BCKDHB: variants seen among roughly 807,000 people sequenced by gnomAD.
BCKDHB encodes the protein branched chain keto acid dehydrogenase E1 subunit beta, also known as 2-oxoisovalerate dehydrogenase subunit beta, mitochondrial.
A neutral mutation model predicts 48.5 loss-of-function variants in BCKDHB; 41 were observed. The observed-to-expected ratio is 0.85, with a 90% CI of 0.66 to 1.10. BCKDHB has a LOEUF of 1.10. BCKDHB is among the 50% of genes least tolerant of loss of function. BCKDHB has a pLI of 0.00. For synonymous variants in BCKDHB, 201 were observed against 174.8 expected, an observed-to-expected ratio of 1.15 and a Z score of -1.18; for missense variants, 496 against 494.2, an observed-to-expected ratio of 1.00 and a Z score of -0.03.
At chr6:80,423,373 G>C in the BCKDHB span, among the ~76,000 whole-genome samples, 66 of 152,270 alleles carry the variant, frequency 4.3e-4, no homozygotes, top group African/African-American at 1.4e-3. Flanking sequence ...GACTAATACA[G>C]GCTCTAACAA....
At chr6:80,257,748 G>A (rs987792620) in intron 8 of BCKDHB, among the ~76,000 whole-genome samples, 4 of 152,082 alleles carry the variant, frequency 2.6e-5, no homozygotes, top group Non-Finnish European at 4.4e-5. Flanking sequence ...TAGGGAGGCG[G>A]TTCTGGTGTA....
intron 6 of BCKDHB, among the ~76,000 whole-genome samples, chr6:80,173,348 T>C (rs961141339): frequency 5.9e-5 from 9 of 152,082 alleles, no homozygotes; most frequent in African/African-American, 1.7e-4. Flanking sequence ...AGGGGCTCAA[T>C]AGAGGTCACA....
chr6:80,179,226 A>G (rs1201163028), intron 6 of BCKDHB, among the ~76,000 whole-genome samples: 1 of 151,128 alleles, frequency 6.6e-6, no homozygotes, highest in Non-Finnish European at 1.5e-5. Flanking sequence ...TTTTTGAGAA[A>G]CTCAATTTTT....
At chr6:80,374,315 T>A in the BCKDHB span, 5 of 953,752 alleles carry the variant, frequency 5.2e-6, no homozygotes, top group South Asian at 6.4e-5. Context: ...CAGCACTCTT[T>A]TTGGGCCACC....
chr6:80,160,682 C>T (rs1772267857), intron 3 of BCKDHB, among the ~76,000 whole-genome samples: 1 of 152,166 alleles, frequency 6.6e-6, no homozygotes. Context: ...ACTTCTTAAT[C>T]ATGCTCCCTT....
chr6:80,170,036 CTTCCTTT>C (rs1772824353), intron 5 of BCKDHB: 1 of 711,694 alleles, frequency 1.4e-6, no homozygotes, highest in South Asian at 6.3e-5. Flanking sequence ...CTTTCTTCCT[CTTCCTTT>C]TTCCTTTTTT....
At chr6:80,392,246 G>A in the BCKDHB span, among the ~76,000 whole-genome samples, 1 of 152,042 alleles carries the variant, frequency 6.6e-6, no homozygotes, top group Non-Finnish European at 1.5e-5. Context: ...CACCCACCTC[G>A]GCCTCCCAAA....
At chr6:80,279,411 C>A (rs1420342749) in intron 9 of BCKDHB, among the ~76,000 whole-genome samples, 1 of 152,142 alleles carries the variant, frequency 6.6e-6, no homozygotes, top group African/African-American at 2.4e-5. Context: ...CTGCCTCTTC[C>A]TTCCAAAGTG....
At chr6:80,393,667 T>G in the BCKDHB span, among the ~76,000 whole-genome samples, 2 of 152,206 alleles carry the variant, frequency 1.3e-5, no homozygotes, top group Admixed American at 6.5e-5. Context: ...TCAGCAAGCC[T>G]TCAACCACAT....
intron 8 of BCKDHB, among the ~76,000 whole-genome samples, chr6:80,213,792 G>A (rs567859200): frequency 6.6e-6 from 1 of 151,602 alleles, no homozygotes; most frequent in South Asian, 2.1e-4. Flanking sequence ...TTTAAACATA[G>A]GTTATGTAGT....
chr6:80,230,512 A>AT (rs1014697241), intron 8 of BCKDHB, among the ~76,000 whole-genome samples: 2 of 151,958 alleles, frequency 1.3e-5, no homozygotes, highest in Admixed American at 6.6e-5. Flanking sequence ...GGGGTTAGCA[A>AT]TTTTTTTTCT....
the BCKDHB span, chr6:80,374,489 CTT>C: frequency 9.4e-6 from 7 of 748,570 alleles, no homozygotes. Flanking sequence ...CACGAGTGTT[CTT>C]AAGGTGAATA....
chr6:80,262,854 T>C (rs1299233448), intron 8 of BCKDHB, among the ~76,000 whole-genome samples: 1 of 152,116 alleles, frequency 6.6e-6, no homozygotes, highest in East Asian at 1.9e-4. Flanking sequence ...ACCTAAGCTA[T>C]TGTAAGTATA....
At chr6:80,244,318 G>A (rs1465948127) in intron 8 of BCKDHB, among the ~76,000 whole-genome samples, 2 of 152,170 alleles carry the variant, frequency 1.3e-5, no homozygotes, top group South Asian at 4.1e-4. Context: ...AGAAGTGTAT[G>A]TTGTTGTAGA....
At chr6:80,181,892 A>G (rs1424978990) in intron 6 of BCKDHB, among the ~76,000 whole-genome samples, 1 of 152,148 alleles carries the variant, frequency 6.6e-6, no homozygotes, top group Admixed American at 6.5e-5. Flanking sequence ...AATCTTTTAT[A>G]TATGTTTGTA....
At chr6:80,304,321 A>G (rs775247512) in intron 9 of BCKDHB, among the ~76,000 whole-genome samples, 3 of 152,066 alleles carry the variant, frequency 2.0e-5, no homozygotes, top group Non-Finnish European at 4.4e-5. Context: ...TTGGATTTTG[A>G]ATTTCTGAAT....
At chr6:80,194,152 T>C (rs1165654892) in intron 6 of BCKDHB, among the ~76,000 whole-genome samples, 1 of 152,206 alleles carries the variant, frequency 6.6e-6, no homozygotes, top group East Asian at 1.9e-4. Flanking sequence ...CTTTCTGTTA[T>C]ATCACAACTT....
chr6:80,322,896 C>CTTTTTTTTTTTTTTTT (rs34177726), intron 9 of BCKDHB, among the ~76,000 whole-genome samples: 19 of 115,538 alleles, frequency 1.6e-4, no homozygotes, highest in South Asian at 2.8e-4. Flanking sequence ...TTTCTTTTTT[C>CTTTTTTTTTTTTTTTT]TTTTTTTTTT....
chr6:80,272,735 C>A (rs1777799604), intron 8 of BCKDHB, among the ~76,000 whole-genome samples: 1 of 152,020 alleles, frequency 6.6e-6, no homozygotes, highest in Admixed American at 6.6e-5. Context: ...TTCTTAAGGC[C>A]ATTGTTATTT....
Sources: gnomAD v4.1 joint callset for allele counts (sites outside exome capture counted in the v4.1 genomes callset) on GRCh38, gnomAD v4.1.1 for gene constraint, MANE v1.5 for transcripts, NCBI Gene and HGNC (gene_info 2026-07-23, HGNC 2026-07-21) for gene names.